The following SNX29 variants were observed in gnomAD, a reference collection of about 807,000 sequenced individuals.
SNX29 encodes the protein sorting nexin 29, also known as sorting nexin-29.
SNX29 carries 78 observed loss-of-function variants against 102.1 expected under a neutral mutation model. That is an observed-to-expected ratio of 0.76 (90% CI 0.64 to 0.92). The LOEUF is 0.92. Ranked by LOEUF, SNX29 falls within the 40% of genes least tolerant of loss-of-function variation. The pLI, the probability that SNX29 is intolerant of heterozygous loss-of-function variation, is 0.00. For synonymous variants in SNX29, 580 were observed against 414.5 expected, an observed-to-expected ratio of 1.40 and a Z score of -4.85; for missense variants, 1,280 against 1,061.7, an observed-to-expected ratio of 1.21 and a Z score of -2.86.
At chr16:12,531,151 C>T (rs1238277050) in intron 20 of SNX29, among the ~76,000 whole-genome samples, 1 of 152,214 alleles carries the variant, frequency 6.6e-6, no homozygotes, top group Non-Finnish European at 1.5e-5. Flanking sequence ...AGGGTTTGAT[C>T]TGGATCGAAG....
chr16:12,121,037 G>C (rs1567225056), intron 11 of SNX29, among the ~76,000 whole-genome samples: 1 of 152,204 alleles, frequency 6.6e-6, no homozygotes, highest in African/African-American at 2.4e-5. Context: ...TGGCGTTTTA[G>C]CAGTGGGCGA....
chr16:12,510,299 A>T (rs2089556423), intron 19 of SNX29, among the ~76,000 whole-genome samples: 1 of 152,202 alleles, frequency 6.6e-6, no homozygotes. Flanking sequence ...CTGAAGATGG[A>T]TACAGGGATG....
Position 12,435,368 on chromosome 16 carries a change from T to C in SNX29, c.2037+31839T>C, listed in dbSNP as rs2085490646. On this transcript the variant is annotated intron_variant, in intron 18 of 20. Coordinates refer to ENST00000566228, the MANE Select transcript of SNX29 (RefSeq NM_032167.5). ...CTAGATCAGAAAAAGATCCCATTTA[T>C]TAAACTGATGACCAGCGAGGAGACG... Among the ~76,000 whole-genome samples, 2 of 152,208 alleles carry C rather than the reference T, an allele frequency of 1.3e-5. 1 individual carries two copies. Among genetic ancestry groups the C allele is most frequent in the South Asian group, 4.1e-4 (2 of 4,830 alleles).
At chr16:12,181,368 G>T (rs939185489) in intron 13 of SNX29, among the ~76,000 whole-genome samples, 1 of 152,168 alleles carries the variant, frequency 6.6e-6, no homozygotes, top group Non-Finnish European at 1.5e-5. Context: ...ACATTGGTTC[G>T]GTCTGGAAGG....
At chr16:12,310,059 C>T (rs1596852659) in intron 15 of SNX29, among the ~76,000 whole-genome samples, 1 of 152,144 alleles carries the variant, frequency 6.6e-6, no homozygotes, top group South Asian at 2.1e-4. Flanking sequence ...TACACACACG[C>T]ATGCACGCAC....
intron 16 of SNX29, among the ~76,000 whole-genome samples, chr16:12,359,949 G>A (rs902038181): frequency 5.9e-5 from 9 of 152,212 alleles, no homozygotes; most frequent in African/African-American, 2.2e-4. Context: ...TCAGCCTCCT[G>A]AGTAGCTGGG....
At chr16:12,223,129 A>G (rs1019959523) in intron 14 of SNX29, among the ~76,000 whole-genome samples, 3 of 152,204 alleles carry the variant, frequency 2.0e-5, no homozygotes, top group Non-Finnish European at 4.4e-5. Context: ...GAGTCAGACC[A>G]TGTAAGGGTG....
intron 19 of SNX29, among the ~76,000 whole-genome samples, chr16:12,497,724 C>T (rs2088901168): frequency 6.6e-6 from 1 of 152,214 alleles, no homozygotes; most frequent in Admixed American, 6.5e-5. Flanking sequence ...AGCCACCTCT[C>T]TCAAGGCAAA....
Position 12,570,244 on chromosome 16 carries a change from A to T in SNX29, c.*1615A>T. On this transcript the variant is annotated 3_prime_UTR_variant, in exon 21 of 21. Coordinates refer to ENST00000566228, the MANE Select transcript of SNX29 (RefSeq NM_032167.5). ...ATAAGCCCTGCCCCGGTGAGACCAA[A>T]TGAGCTGGAGCATGTATGGAGGTGC... 9.4e-7 allele frequency: 1 copy of T among 1,064,972 alleles called. No individual in the cohort carries two copies. The highest frequency in any genetic ancestry group is 1.1e-6 in the Non-Finnish European group (1 of 879,082). 66.0% of individuals were successfully genotyped at this position (1,064,972 alleles called of 1,614,324 possible). A position where few individuals can be genotyped will look rare whatever the true frequency, so the allele number is the denominator to read the frequency against.
chr16:12,557,064 C>T (rs1344584118), intron 20 of SNX29, among the ~76,000 whole-genome samples: 1 of 146,500 alleles, frequency 6.8e-6, no homozygotes, highest in African/African-American at 2.5e-5. Flanking sequence ...CCAGGCTGGC[C>T]TCAGAGTCTG....
chr16:12,196,710 T>G (rs2076785138), intron 13 of SNX29, among the ~76,000 whole-genome samples: 1 of 147,152 alleles, frequency 6.8e-6, no homozygotes, highest in South Asian at 2.2e-4. Context: ...AAGCTCCGCC[T>G]CCCAGGTTCA....
chr16:12,437,713 C>A (rs1244740719), intron 18 of SNX29, among the ~76,000 whole-genome samples: 1 of 152,150 alleles, frequency 6.6e-6, no homozygotes, highest in African/African-American at 2.4e-5. Context: ...ACACCGGCAC[C>A]CAGATTTATC....
rs2079219254 is a variant in SNX29 at position 12,572,948 on chromosome 16, T to TG, written c.*4320dup. ...TTTCTTCAAGGCAGGCATCTGCTTA[T>TG]GAGCAAGGTCAAAGATTTTTCAAAA... On this transcript the variant is annotated 3_prime_UTR_variant, in exon 21 of 21. Coordinates refer to ENST00000566228, the MANE Select transcript of SNX29 (RefSeq NM_032167.5). 1.4e-6 allele frequency: 1 copy of TG among 699,220 alleles called. No individual in the cohort carries two copies. The highest frequency in any genetic ancestry group is 1.8e-6 in the Non-Finnish European group (1 of 545,650). The allele number at this position is 699,220 out of a possible 1,614,324, so 43.3% of individuals were successfully genotyped here.
intron 13 of SNX29, among the ~76,000 whole-genome samples, chr16:12,153,562 C>T (rs1333855193): frequency 2.0e-5 from 3 of 151,984 alleles, no homozygotes; most frequent in Non-Finnish European, 4.4e-5. Context: ...CAGCCTCTGC[C>T]TCCTGGGTTC....
chr16:12,416,517 C>G (rs1156637608), intron 18 of SNX29, among the ~76,000 whole-genome samples: 1 of 152,166 alleles, frequency 6.6e-6, no homozygotes, highest in African/African-American at 2.4e-5. Context: ...AGCAAAACAC[C>G]ACATCATGCC....
At chr16:12,118,644 G>A (rs1336767986) in intron 11 of SNX29, among the ~76,000 whole-genome samples, 1 of 152,056 alleles carries the variant, frequency 6.6e-6, no homozygotes, top group African/African-American at 2.4e-5. Context: ...GCCTTGATAT[G>A]AAATGAGAAC....
chr16:12,439,579 A>C (rs1261977910), intron 18 of SNX29, among the ~76,000 whole-genome samples: 4 of 152,306 alleles, frequency 2.6e-5, no homozygotes, highest in Admixed American at 1.3e-4. Flanking sequence ...AAAGCATCAG[A>C]TCTCGTGAGA....
intron 16 of SNX29, among the ~76,000 whole-genome samples, chr16:12,369,058 A>G (rs532347491): frequency 1.3e-4 from 19 of 150,388 alleles, no homozygotes; most frequent in Admixed American, 7.9e-4. Context: ...CCCAGACTCC[A>G]CTCACCTCTC....
chr16:12,304,563 A>C (rs2080281184), intron 15 of SNX29, among the ~76,000 whole-genome samples: 1 of 152,154 alleles, frequency 6.6e-6, no homozygotes, highest in Non-Finnish European at 1.5e-5. Context: ...TGAGCATGTA[A>C]ATGTCTTTGA....
Sources: gnomAD v4.1 joint callset for allele counts (sites outside exome capture counted in the v4.1 genomes callset) on GRCh38, gnomAD v4.1.1 for gene constraint, MANE v1.5 for transcripts, NCBI Gene and HGNC (gene_info 2026-07-23, HGNC 2026-07-21) for gene names.